CDK8: variants seen among roughly 807,000 people sequenced by gnomAD.
CDK8 encodes cyclin dependent kinase 8.
CDK8 carries 29 observed loss-of-function variants against 71.5 expected under a neutral mutation model. That is an observed-to-expected ratio of 0.41 (90% CI 0.30 to 0.55). The LOEUF is 0.55. Among genes scored for constraint, CDK8 ranks in the 20% least tolerant of loss-of-function variants. The probability of loss-of-function intolerance (pLI) is 0.37; values close to 1 mark genes in which losing one functional copy is unlikely to be tolerated. For missense variants in CDK8, 288 were observed against 572.6 expected (o/e 0.50, Z 5.07); for synonymous variants, 161 against 192.1 (o/e 0.84, Z 1.34).
intron 1 of CDK8, among the ~76,000 whole-genome samples, chr13:26,263,667 T>C (rs949928428): frequency 6.9e-6 from 1 of 145,864 alleles, no homozygotes; most frequent in Non-Finnish European, 1.5e-5. Flanking sequence ...CACAAACTTC[T>C]GACCTTAGGG....
intron 1 of CDK8, among the ~76,000 whole-genome samples, chr13:26,326,281 A>G (rs1019630223): frequency 6.6e-6 from 1 of 152,206 alleles, no homozygotes; most frequent in Non-Finnish European, 1.5e-5. Context: ...GTTTGATTGC[A>G]TATTTTAGTT....
At chr13:26,387,864 C>T (rs1875554887) in intron 6 of CDK8, among the ~76,000 whole-genome samples, 1 of 152,206 alleles carries the variant, frequency 6.6e-6, no homozygotes, top group African/African-American at 2.4e-5. Flanking sequence ...TTCACACCTT[C>T]TTTTACCTTA....
chr13:26,390,333 A>G (rs769251068), intron 6 of CDK8, among the ~76,000 whole-genome samples: 4 of 152,186 alleles, frequency 2.6e-5, no homozygotes, highest in South Asian at 2.1e-4. Context: ...TAGGGAAAAA[A>G]ATCTGATCAG....
chr13:26,372,634 A>T (rs1874743556), intron 4 of CDK8, among the ~76,000 whole-genome samples: 1 of 152,188 alleles, frequency 6.6e-6, no homozygotes, highest in Non-Finnish European at 1.5e-5. Flanking sequence ...TGACAGTATA[A>T]TGCAGTAGTT....
At chr13:26,316,066 G>C (rs1229694029) in intron 1 of CDK8, among the ~76,000 whole-genome samples, 1 of 152,164 alleles carries the variant, frequency 6.6e-6, no homozygotes, top group African/African-American at 2.4e-5. Flanking sequence ...TCTGATCAAA[G>C]AGGTATAGGC....
At chr13:26,309,249 C>G (rs1874177680) in intron 1 of CDK8, among the ~76,000 whole-genome samples, 1 of 151,930 alleles carries the variant, frequency 6.6e-6, no homozygotes, top group Admixed American at 6.6e-5. Flanking sequence ...ACGCCATTCT[C>G]CTGCCTCAGC....
At chr13:26,313,724 T>G (rs1463761236) in intron 1 of CDK8, among the ~76,000 whole-genome samples, 2 of 152,160 alleles carry the variant, frequency 1.3e-5, no homozygotes, top group African/African-American at 4.8e-5. Flanking sequence ...AGCTGTTGAT[T>G]TGAGGCGAGT....
At chr13:26,305,747 G>A (rs754203054) in intron 1 of CDK8, among the ~76,000 whole-genome samples, 1 of 151,968 alleles carries the variant, frequency 6.6e-6, no homozygotes, top group Non-Finnish European at 1.5e-5. Context: ...TGTCAGTTGT[G>A]TTATTAAATA....
chr13:26,330,405 A>G (rs1194773230), intron 1 of CDK8, among the ~76,000 whole-genome samples: 5 of 152,244 alleles, frequency 3.3e-5, no homozygotes, highest in Admixed American at 2.0e-4. Context: ...GGGTTTCACC[A>G]TGTTGGCCAG....
chr13:26,291,859 A>T (rs892625882), intron 1 of CDK8, among the ~76,000 whole-genome samples: 2 of 152,052 alleles, frequency 1.3e-5, no homozygotes, highest in Non-Finnish European at 2.9e-5. Flanking sequence ...CTTGTGTTGG[A>T]GTTTGATTCC....
At chr13:26,328,043 C>T (rs1875105543) in intron 1 of CDK8, among the ~76,000 whole-genome samples, 1 of 151,110 alleles carries the variant, frequency 6.6e-6, no homozygotes, top group African/African-American at 2.4e-5. Context: ...GATACCACAC[C>T]AAAGCAACTT....
chr13:26,357,381 T>C (rs986901862), intron 4 of CDK8, among the ~76,000 whole-genome samples: 10 of 152,224 alleles, frequency 6.6e-5, no homozygotes, highest in Middle Eastern at 3.2e-3. Flanking sequence ...AACCAAACTT[T>C]TTAGTTTTAG....
chr13:26,341,953 G>A (rs767851944), intron 2 of CDK8, among the ~76,000 whole-genome samples: 12 of 151,300 alleles, frequency 7.9e-5, no homozygotes, highest in Non-Finnish European at 1.5e-4. Context: ...ACGAAGTCTC[G>A]CTCTTTCCCC....
At chr13:26,381,448 G>A (rs763399587) in intron 4 of CDK8, among the ~76,000 whole-genome samples, 8 of 152,116 alleles carry the variant, frequency 5.3e-5, no homozygotes, top group Non-Finnish European at 1.2e-4. Flanking sequence ...GTGGTTAGAA[G>A]TGCGTGTGTG....
chr13:26,327,693 G>A (rs1308267361), intron 1 of CDK8, among the ~76,000 whole-genome samples: 5 of 152,124 alleles, frequency 3.3e-5, no homozygotes, highest in African/African-American at 1.2e-4. Flanking sequence ...GCTGGGTGTG[G>A]TGGTGGGTGC....
chr13:26,316,139 A>T (rs1874501844), intron 1 of CDK8, among the ~76,000 whole-genome samples: 1 of 152,218 alleles, frequency 6.6e-6, no homozygotes, highest in Admixed American at 6.5e-5. Flanking sequence ...CTAGAGAGTC[A>T]GTTGAGTCCA....
intron 4 of CDK8, among the ~76,000 whole-genome samples, chr13:26,367,072 T>G: frequency 6.6e-6 from 1 of 152,322 alleles, no homozygotes; most frequent in South Asian, 2.1e-4. Context: ...ACAGCTATAA[T>G]CCTTGAAGGT....
intron 1 of CDK8, among the ~76,000 whole-genome samples, chr13:26,264,636 A>G (rs1372447105): frequency 1.3e-5 from 2 of 152,166 alleles, no homozygotes; most frequent in African/African-American, 2.4e-5. Context: ...ATTTTTGTTT[A>G]GTACTCCTAC....
intron 1 of CDK8, among the ~76,000 whole-genome samples, chr13:26,322,851 A>T (rs187764417): frequency 4.5e-4 from 69 of 152,256 alleles, no homozygotes; most frequent in African/African-American, 1.3e-3. Context: ...TCAAATATCT[A>T]TGTAATTCAA....
Sources: allele counts gnomAD v4.1 joint callset (sites outside exome capture counted in the v4.1 genomes callset), GRCh38; gene constraint gnomAD v4.1.1; transcripts MANE v1.5; gene names NCBI Gene and HGNC (gene_info 2026-07-23, HGNC 2026-07-21).